NOS1: variants seen among roughly 807,000 people sequenced by gnomAD.
The protein encoded by NOS1 is nitric oxide synthase 1.
NOS1 carries 51 observed loss-of-function variants against 164.5 expected under a neutral mutation model. The observed-to-expected ratio is 0.31, with a 90% CI of 0.25 to 0.39. The LOEUF is 0.39. Among genes scored for constraint, NOS1 ranks in the 10% least tolerant of loss-of-function variants. The pLI is 1.00. For missense variants in NOS1, 1,362 were observed against 1,885.6 expected (o/e 0.72, Z 5.14); for synonymous variants, 719 against 745.8 (o/e 0.96, Z 0.59).
In NOS1 at chr12:117,297,508, C is replaced by T. The variant is rs575471623; in HGVS notation, c.853-7082G>A. Among the ~76,000 whole-genome samples, 93 of 152,274 alleles carry T rather than the reference C, an allele frequency of 6.1e-4. 1 individual carries two copies. Among genetic ancestry groups the T allele is most frequent in the African/African-American group, 2.1e-3 (89 of 41,554 alleles). ...ATGGGTTCAAATGATTCTCCTGCCT[C>T]AGCCTCCTGAGTAGCTGGGATTACA... On this transcript the variant is annotated intron_variant, in intron 3 of 28. Transcript: ENST00000317775.
rs187583354 is a variant in NOS1 at position 117,232,795 on chromosome 12, T to C, written c.3236-664A>G. ...ATATAAGCCTCTTCTCCATCAGGGG[T>C]TCAATCCCAAATAAAAAGCTCTATT... On this transcript the variant is annotated intron_variant, in intron 21 of 28. Coordinates refer to ENST00000317775, the MANE Select transcript of NOS1 (RefSeq NM_000620.5). 1.8e-3 allele frequency among the ~76,000 whole-genome samples: 276 copies of C among 152,260 alleles called. 1 individual carries two copies. The highest frequency in any genetic ancestry group is 6.8e-3 in the Middle Eastern group (2 of 294).
chr12:117,286,234 T>C lies in NOS1; in HGVS notation c.1160A>G (p.Glu387Gly), dbSNP rs1874105401. The C allele has an allele frequency of 6.2e-7, 1 of 1,614,070 alleles. No homozygotes were observed. The highest frequency in any genetic ancestry group is 1.3e-5 in the African/African-American group (1 of 74,926). ...FGSKAHMERL[E>G]EVNKEIDTTS... ...GGTGTCGATCTCTTTGTTCACCTCTTCCAGCCTTTCCATGTGGGCTTTGGA... is the reference window on the plus strand; with the variant it reads ...GGTGTCGATCTCTTTGTTCACCTCTCCCAGCCTTTCCATGTGGGCTTTGGA... The change falls in exon 6 of 29, where the codon GAA becomes GGA. Residue 387 changes from glutamate to glycine, a missense_variant. This residue lies in a region of NOS1 where 129 missense variants were observed against 186.0 expected (regional missense o/e 0.69). Coordinates refer to ENST00000317775, the MANE Select transcript of NOS1 (RefSeq NM_000620.5).
intron 3 of NOS1, 62 bp from the exon 4 acceptor site, chr12:117,290,488 C>A: frequency 6.5e-7 from 1 of 1,544,676 alleles, no homozygotes; most frequent in Non-Finnish European, 8.8e-7. Flanking sequence ...AACATTGTCT[C>A]CACAGAGGCT....
chr12:117,266,922 T>C (rs755159390), intron 11 of NOS1, among the ~76,000 whole-genome samples: 1 of 152,158 alleles, frequency 6.6e-6, no homozygotes, highest in Non-Finnish European at 1.5e-5. Context: ...CATGCCACAC[T>C]CCTGAAACCT....
chr12:117,342,449 T>C (rs1876158474), intron 1 of NOS1, among the ~76,000 whole-genome samples: 1 of 151,350 alleles, frequency 6.6e-6, no homozygotes, highest in East Asian at 2.0e-4. Context: ...GGAGGAAGAG[T>C]CAGGATCCAG....
Position 117,209,028 on chromosome 12 carries a change from G to A in NOS1, c.*6281C>T. On this transcript the variant is annotated 3_prime_UTR_variant, in exon 29 of 29. Transcript: ENST00000317775. Reference sequence around the variant, plus strand: ...ATGAGCCACCACGCCTGGCCTGGGAGGGGTTTTTGAAAGCATACTGCCCTC... The same window carrying A: ...ATGAGCCACCACGCCTGGCCTGGGAAGGGTTTTTGAAAGCATACTGCCCTC... The A allele has an allele frequency of 1.0e-6, 1 of 985,240 alleles. No individual in the cohort carries two copies. Among genetic ancestry groups the A allele is most frequent in the Middle Eastern group, 5.2e-4 (1 of 1,914 alleles). The allele number at this position is 985,240 out of a possible 1,614,324, so 61.0% of individuals were successfully genotyped here. A position where few individuals can be genotyped will look rare whatever the true frequency, so the allele number is the denominator to read the frequency against.
chr12:117,326,480 G>T (rs74749456), intron 2 of NOS1, among the ~76,000 whole-genome samples: 2,697 of 152,256 alleles, frequency 0.018, 72 homozygotes, highest in African/African-American at 0.053. Context: ...CACACACTAT[G>T]ATTAAATATC....
chr12:117,261,205 A>AT (rs759171707), intron 13 of NOS1, among the ~76,000 whole-genome samples: 27 of 143,922 alleles, frequency 1.9e-4, no homozygotes, highest in African/African-American at 6.0e-4. Context: ...AAAAAAAAAA[A>AT]TCCCACCAGA....
At position 117,227,593 on chromosome 12, in the gene NOS1, C is replaced by CGATG; in HGVS notation, c.3450_3453dup (p.Val1152HisfsTer41). The CGATG allele has an allele frequency of 6.2e-7, 1 of 1,614,026 alleles. No homozygotes were observed. Among genetic ancestry groups the CGATG allele is most frequent in the Non-Finnish European group, 8.5e-7 (1 of 1,179,966 alleles). On this transcript the variant is annotated frameshift_variant, in exon 23 of 29. Transcript: ENST00000317775. LOFTEE classifies it high-confidence loss of function. The stretch of plus-strand genomic sequence containing the variant: ...GATGGGAACTCCTCCAGCACCTCCA[C>CGATG]GATGGTGGGGTTCTTGCCCCATTTC...
At chr12:117,293,907 T>C (rs1429282007) in intron 3 of NOS1, among the ~76,000 whole-genome samples, 1 of 152,116 alleles carries the variant, frequency 6.6e-6, no homozygotes, top group Non-Finnish European at 1.5e-5. Context: ...AACCCCACTT[T>C]GTTCAAACGT....
At chr12:117,238,881 A>G (rs1355322166) in intron 20 of NOS1, among the ~76,000 whole-genome samples, 1 of 152,190 alleles carries the variant, frequency 6.6e-6, no homozygotes, top group African/African-American at 2.4e-5. Flanking sequence ...TAAAGGAAAG[A>G]AAAAAAGGAA....
At position 117,219,641 on chromosome 12, in the gene NOS1, G is replaced by A. The variant is rs1252320132; in HGVS notation, c.4170+434C>T. On this transcript the variant is annotated intron_variant, in intron 27 of 28. Coordinates refer to ENST00000317775, the MANE Select transcript of NOS1 (RefSeq NM_000620.5). ...TTTAAACTCTCTTCTGCAAAATCCT[G>A]GGGAATCTTTAAAAGTGTGTCTAGA... 2.0e-5 allele frequency among the ~76,000 whole-genome samples: 3 copies of A among 151,958 alleles called. No individual in the cohort carries two copies. The East Asian group carries it at 5.8e-4, about 29-fold the overall frequency.
chr12:117,321,661 A>C (rs1054457162), intron 2 of NOS1, among the ~76,000 whole-genome samples: 2 of 152,124 alleles, frequency 1.3e-5, no homozygotes, highest in African/African-American at 4.8e-5. Flanking sequence ...GTTGAAGGCT[A>C]AGTTACTGGG....
chr12:117,316,422 C>T (rs1566073201), intron 2 of NOS1, among the ~76,000 whole-genome samples: 1 of 152,152 alleles, frequency 6.6e-6, no homozygotes. Context: ...TCCACCCTTA[C>T]CTTTATACTT....
intron 1 of NOS1, among the ~76,000 whole-genome samples, chr12:117,334,778 T>G (rs994197376): frequency 4.6e-5 from 7 of 152,212 alleles, no homozygotes; most frequent in African/African-American, 1.4e-4. Context: ...TATCCTATTT[T>G]TCATCCTTGT....
chr12:117,220,146 T>C lies in NOS1; in HGVS notation c.4099A>G (p.Ile1367Val). Reference sequence around the variant, plus strand: ...CCCTGCTGGGTCATGATGCGCTGGATGGCTTTGAGGACATCAGCAGCCATG... The same window carrying C: ...CCCTGCTGGGTCATGATGCGCTGGACGGCTTTGAGGACATCAGCAGCCATG... ...VTMAADVLKAIQRIMTQQGKL... is the reference protein window; with the variant it reads ...VTMAADVLKAVQRIMTQQGKL... The change falls in exon 27 of 29, where the codon ATC becomes GTC. Residue 1367 changes from isoleucine (I) to valine (V), a missense_variant. Coordinates refer to ENST00000317775, the MANE Select transcript of NOS1 (RefSeq NM_000620.5). 1.2e-6 allele frequency: 2 copies of C among 1,613,996 alleles called. No homozygotes were observed. The highest frequency in any genetic ancestry group is 1.7e-6 in the Non-Finnish European group (2 of 1,179,996).
Position 117,265,390 on chromosome 12 carries a change from T to TG in NOS1, c.2061dup (p.Met688HisfsTer27). On this transcript the variant is annotated frameshift_variant, in exon 12 of 29. Coordinates refer to ENST00000317775, the MANE Select transcript of NOS1 (RefSeq NM_000620.5). LOFTEE classifies it high-confidence loss of function. ...AACACAGGGGTGATGCTTCCGGACA[T>TG]GGGGGGCACGATCCACACCCAGTCG... is the stretch of plus-strand genomic sequence containing the variant. 6.3e-7 allele frequency: 1 copy of TG among 1,589,696 alleles called. No homozygotes were observed. Among genetic ancestry groups the TG allele is most frequent in the East Asian group, 2.3e-5 (1 of 43,846 alleles).
Position 117,291,829 on chromosome 12 carries a change from C to T in NOS1, c.853-1403G>A, listed in dbSNP as rs572167050. Reference sequence around the variant, plus strand: ...GGGATTACAGGTGTGAGTCATCGTGCCTGGCCTAGGATCACATCTGTCTTG... The same window carrying T: ...GGGATTACAGGTGTGAGTCATCGTGTCTGGCCTAGGATCACATCTGTCTTG... On this transcript the variant is annotated intron_variant, in intron 3 of 28. Coordinates refer to ENST00000317775, the MANE Select transcript of NOS1 (RefSeq NM_000620.5). 6.6e-5 allele frequency among the ~76,000 whole-genome samples: 10 copies of T among 152,220 alleles called. No individual in the cohort carries two copies. In the East Asian group the frequency reaches 1.9e-3, roughly 29 times the overall value.
intron 20 of NOS1, among the ~76,000 whole-genome samples, chr12:117,242,053 G>A (rs1235324746): frequency 6.6e-6 from 1 of 152,200 alleles, no homozygotes; most frequent in Non-Finnish European, 1.5e-5. Flanking sequence ...TATTTTAGGT[G>A]TCACAGAGAG....
Sources: gnomAD v4.1 joint callset for allele counts (sites outside exome capture counted in the v4.1 genomes callset) on GRCh38, gnomAD v4.1.1 for gene constraint, gnomAD v4.1.1 regional missense constraint, MANE v1.5 for transcripts, NCBI Gene and HGNC (gene_info 2026-07-23, HGNC 2026-07-21) for gene names.